BICDL1: variants seen among roughly 807,000 people sequenced by gnomAD.
BICDL1 encodes the protein BICD family-like cargo adapter 1.
Under a neutral mutation model 76.8 loss-of-function variants are expected in BICDL1, and 20 were observed. The ratio of observed to expected loss-of-function variants is 0.26; its 90% confidence interval spans 0.18 to 0.38. The LOEUF (loss-of-function observed/expected upper bound fraction) is 0.38, where lower values mean the gene tolerates loss of function less well. BICDL1 is among the 10% of genes least tolerant of loss of function. BICDL1 has a pLI of 1.00. For missense variants in BICDL1, 700 were observed against 798.6 expected (o/e 0.88, Z 1.49); for synonymous variants, 383 against 337.1 (o/e 1.14, Z -1.49).
chr12:120,018,778 G>T (rs1952117388), intron 2 of BICDL1: 1 of 152,194 alleles, frequency 6.6e-6, no homozygotes, highest in Admixed American at 6.5e-5. Context: ...AGGCGCGGTG[G>T]CTCACACATG....
intron 2 of BICDL1, among the ~76,000 whole-genome samples, chr12:120,006,317 AT>A (rs1474348490): frequency 2.0e-5 from 3 of 152,220 alleles, no homozygotes; most frequent in African/African-American, 7.2e-5. Flanking sequence ...ATCTTTATAT[AT>A]GTTGTATTTC....
At chr12:120,010,506 A>G (rs1179490645) in intron 2 of BICDL1, among the ~76,000 whole-genome samples, 1 of 152,166 alleles carries the variant, frequency 6.6e-6, no homozygotes, top group Non-Finnish European at 1.5e-5. Context: ...GGGTGCCAAC[A>G]AAAAAATCCC....
At position 120,071,298 on chromosome 12, in the gene BICDL1, C is replaced by T. The variant is rs912100382; in HGVS notation, c.910-324C>T. ...CTGGGATTTCAGGTACCCGCCACCACGCCCAGCTAATTTTTGTATTTTTAG... is the reference window on the plus strand; with the variant it reads ...CTGGGATTTCAGGTACCCGCCACCATGCCCAGCTAATTTTTGTATTTTTAG... On this transcript the variant is annotated intron_variant, in intron 4 of 9. Coordinates refer to ENST00000548673, the MANE Select transcript of BICDL1 (RefSeq NM_001367886.1). This position sits in a 1 kb window ranked among gnomAD's most constrained non-coding sequence, Gnocchi z 4.8. Among the ~76,000 whole-genome samples the T allele has an allele frequency of 2.0e-5, 3 of 151,700 alleles. No homozygotes were observed. Among genetic ancestry groups the T allele is most frequent in the African/African-American group, 7.3e-5 (3 of 41,362 alleles).
At chr12:120,082,857 C>T (rs185498945) in intron 8 of BICDL1, among the ~76,000 whole-genome samples, 27 of 152,250 alleles carry the variant, frequency 1.8e-4, no homozygotes, top group Non-Finnish European at 3.5e-4. Context: ...GCGTGAGCTA[C>T]TGCGCCCAGC....
At chr12:120,088,253 T>C (rs1022210384) in intron 8 of BICDL1, among the ~76,000 whole-genome samples, 1 of 152,208 alleles carries the variant, frequency 6.6e-6, no homozygotes, top group Non-Finnish European at 1.5e-5. Flanking sequence ...GTTTTTGTTT[T>C]ACAAAACTAG....
intron 8 of BICDL1, among the ~76,000 whole-genome samples, chr12:120,089,271 C>T (rs766922095): frequency 4.1e-5 from 6 of 146,814 alleles, no homozygotes; most frequent in South Asian, 2.2e-4. Context: ...CCTTTTTCAA[C>T]GTGTGTGTGT....
intron 2 of BICDL1, among the ~76,000 whole-genome samples, chr12:120,007,366 ACT>A (rs1161974286): frequency 2.6e-5 from 4 of 152,026 alleles, no homozygotes; most frequent in South Asian, 2.1e-4. Context: ...AGGACCTGAG[ACT>A]CTGTTCTAGT....
At chr12:120,052,650 TG>T (rs1422166547) in intron 2 of BICDL1, among the ~76,000 whole-genome samples, 8 of 152,350 alleles carry the variant, frequency 5.3e-5, no homozygotes, top group African/African-American at 1.7e-4. Flanking sequence ...GTAAATCTTA[TG>T]AAGAGATACT....
chr12:120,085,854 G>A (rs1439277123), intron 8 of BICDL1, among the ~76,000 whole-genome samples: 7 of 150,506 alleles, frequency 4.7e-5, no homozygotes, highest in Non-Finnish European at 1.0e-4. Context: ...ACATGGGTTG[G>A]TTACCTTCTC....
intron 8 of BICDL1, among the ~76,000 whole-genome samples, chr12:120,084,976 A>G (rs779030937): frequency 3.3e-5 from 5 of 150,472 alleles, no homozygotes; most frequent in Non-Finnish European, 7.4e-5. Context: ...CATCATTTTC[A>G]TTATCTCTAT....
rs750584298 is a variant in BICDL1, at chr12:120,071,954, C to T, written c.1089+153C>T. Among the ~76,000 whole-genome samples, 32 of 152,244 alleles carry T rather than the reference C, an allele frequency of 2.1e-4. No homozygotes were observed. Among genetic ancestry groups the T allele is most frequent in the Admixed American group, 7.9e-4 (12 of 15,282 alleles). ...GCTGGCTAGAGTGTCATGAAGCAGGCCCTGATGGAGCATGTCCCTGGCCCT... is the reference window on the plus strand; with the variant it reads ...GCTGGCTAGAGTGTCATGAAGCAGGTCCTGATGGAGCATGTCCCTGGCCCT... On this transcript the variant is annotated intron_variant, in intron 5 of 9. Transcript: ENST00000548673. This position sits in a 1 kb window ranked among gnomAD's most constrained non-coding sequence, Gnocchi z 4.8.
chr12:120,090,820 G>A (rs1874895075), intron 9 of BICDL1: 1 of 1,191,138 alleles, frequency 8.4e-7, no homozygotes, highest in Admixed American at 2.3e-5. Context: ...CCACCGCAGG[G>A]TGCCCGTCCC....
intron 2 of BICDL1, among the ~76,000 whole-genome samples, chr12:120,018,041 C>A (rs1321238195): frequency 6.6e-6 from 1 of 152,126 alleles, no homozygotes; most frequent in Non-Finnish European, 1.5e-5. Context: ...TTCTCCCCAC[C>A]AGCAATCTGT....
intron 2 of BICDL1, among the ~76,000 whole-genome samples, chr12:120,040,427 T>C (rs1363500681): frequency 6.6e-6 from 1 of 151,892 alleles, no homozygotes; most frequent in Non-Finnish European, 1.5e-5. Context: ...TTCTTTTTGT[T>C]TTTTTGTTTG....
chr12:119,990,159 C>T lies in BICDL1; in HGVS notation c.291C>T (p.Pro97=). Residue 97 remains proline, a synonymous_variant, in exon 1 of 10, where the codon CCC becomes CCT. Transcript: ENST00000548673. ...CGCAGCCGCCGCCCTCCCAGGACCC[C>T]GAGCTGCTGTCGGTGATCCGACAGA... ...AGPQPPPSQD[P]ELLSVIRQKE... is the part of the protein sequence containing the mutation. 2 of 1,551,794 alleles carry T rather than the reference C, an allele frequency of 1.3e-6. No individual in the cohort carries two copies. Among genetic ancestry groups the T allele is most frequent in the Non-Finnish European group, 1.7e-6 (2 of 1,147,756 alleles).
At chr12:120,083,677 T>C (rs1874172719) in intron 8 of BICDL1, among the ~76,000 whole-genome samples, 2 of 149,036 alleles carry the variant, frequency 1.3e-5, no homozygotes, top group Non-Finnish European at 3.0e-5. Flanking sequence ...ATTTATTTAT[T>C]GAGATGGAGT....
chr12:120,028,537 G>T (rs137916261), intron 2 of BICDL1, among the ~76,000 whole-genome samples: 1 of 152,106 alleles, frequency 6.6e-6, no homozygotes, highest in East Asian at 1.9e-4. Context: ...TTAGCCGGGC[G>T]TGGTGGCAGG....
intron 2 of BICDL1, among the ~76,000 whole-genome samples, chr12:120,031,862 A>G (rs1191360554): frequency 2.0e-5 from 3 of 152,166 alleles, no homozygotes; most frequent in Admixed American, 2.0e-4. Context: ...AGGTCGAGGC[A>G]GGAGGATCGC....
Position 120,012,380 on chromosome 12 carries a change from G to A in BICDL1, c.645+13644G>A, listed in dbSNP as rs76949133. ...TCTCCACGAATAAGTCAGATTTTCC[G>A]CATTGCCCTGGTATGATTAGTTGCA... On this transcript the variant is annotated intron_variant, in intron 2 of 9. Transcript: ENST00000548673. Among the ~76,000 whole-genome samples, 532 of 152,266 alleles carry A rather than the reference G, an allele frequency of 3.5e-3. 3 individuals are homozygous for A. Among genetic ancestry groups the A allele is most frequent in the African/African-American group, 0.012 (512 of 41,552 alleles).
Sources: gnomAD v4.1 joint callset for allele counts (sites outside exome capture counted in the v4.1 genomes callset) on GRCh38, gnomAD v4.1.1 for gene constraint, Gnocchi (gnomAD v3.1) non-coding constraint, MANE v1.5 for transcripts, NCBI Gene and HGNC (gene_info 2026-07-23, HGNC 2026-07-21) for gene names.